G3BP2: variants seen among roughly 807,000 people sequenced by gnomAD.
G3BP2 encodes the protein G3BP stress granule assembly factor 2.
Under a neutral mutation model 56.7 loss-of-function variants are expected in G3BP2, and 11 were observed. That is an observed-to-expected ratio of 0.19 (90% CI 0.12 to 0.32). G3BP2 has a LOEUF of 0.32. G3BP2 is among the 10% of genes least tolerant of loss of function. G3BP2 has a pLI of 1.00. For synonymous variants in G3BP2, 165 were observed against 191.6 expected, an observed-to-expected ratio of 0.86 and a Z score of 1.15; for missense variants, 340 against 610.9, an observed-to-expected ratio of 0.56 and a Z score of 4.67.
chr4:75,686,136 G>T (rs1245608258), intron 3 of G3BP2, among the ~76,000 whole-genome samples: 1 of 152,104 alleles, frequency 6.6e-6, no homozygotes, highest in Non-Finnish European at 1.5e-5. Context: ...TAAATTGTTT[G>T]TTCAATGGAC....
intron 3 of G3BP2, among the ~76,000 whole-genome samples, chr4:75,684,647 G>A (rs1021554348): frequency 6.6e-6 from 1 of 152,070 alleles, no homozygotes; most frequent in Non-Finnish European, 1.5e-5. Flanking sequence ...CTCGGTTCAG[G>A]TGATCCTCCC....
chr4:75,653,896 T>G, intron 8 of G3BP2, 87 bp downstream of exon 8: 1 of 676,652 alleles, frequency 1.5e-6, no homozygotes, highest in Non-Finnish European at 2.7e-6. Flanking sequence ...CCATAATTTC[T>G]GATTGACTCA....
chr4:75,702,874 A>G (rs1577891389), intron 3 of G3BP2, among the ~76,000 whole-genome samples: 1 of 152,336 alleles, frequency 6.6e-6, no homozygotes, highest in Non-Finnish European at 1.5e-5. Flanking sequence ...GTGAGACCCT[A>G]AAAGGATAAG....
intron 1 of G3BP2, chr4:75,672,896 C>G: frequency 1.8e-6 from 1 of 548,718 alleles, no homozygotes; most frequent in Non-Finnish European, 2.3e-6. Context: ...CTGCTGCGTG[C>G]CTCCCCCCCC....
intron 3 of G3BP2, among the ~76,000 whole-genome samples, chr4:75,714,866 G>A (rs1719877758): frequency 6.6e-6 from 1 of 152,100 alleles, no homozygotes; most frequent in African/African-American, 2.4e-5. Context: ...AAGGATGCCT[G>A]CACAGAAAAA....
At chr4:75,714,488 C>T (rs1033008139) in intron 3 of G3BP2, among the ~76,000 whole-genome samples, 2 of 151,966 alleles carry the variant, frequency 1.3e-5, no homozygotes, top group Non-Finnish European at 2.9e-5. Flanking sequence ...ATTAACTGGG[C>T]GTGGTGGCGA....
intron 3 of G3BP2, among the ~76,000 whole-genome samples, chr4:75,714,093 G>GA (rs1719847607): frequency 6.6e-6 from 1 of 152,104 alleles, no homozygotes; most frequent in Non-Finnish European, 1.5e-5. Context: ...TAGACCAAAA[G>GA]AAAAAAACTT....
intron 3 of G3BP2, among the ~76,000 whole-genome samples, chr4:75,700,586 A>G (rs967644519): frequency 2.8e-5 from 4 of 144,944 alleles, no homozygotes; most frequent in Non-Finnish European, 6.1e-5. Flanking sequence ...ACACCCAGCT[A>G]ATTTTTGTAT....
At chr4:75,691,626 A>G (rs1560415531) in intron 3 of G3BP2, among the ~76,000 whole-genome samples, 1 of 152,158 alleles carries the variant, frequency 6.6e-6, no homozygotes, top group Non-Finnish European at 1.5e-5. Flanking sequence ...CCTTCTCTGT[A>G]TGAGCAGCGC....
At chr4:75,649,301 T>C (rs1045053166) in intron 8 of G3BP2, among the ~76,000 whole-genome samples, 3 of 152,204 alleles carry the variant, frequency 2.0e-5, no homozygotes, top group Non-Finnish European at 4.4e-5. Context: ...AAGGTTAAAA[T>C]GCATGTTAAA....
chr4:75,721,168 C>T (rs944139005), intron 2 of G3BP2, among the ~76,000 whole-genome samples: 1 of 151,632 alleles, frequency 6.6e-6, no homozygotes, highest in Non-Finnish European at 1.5e-5. Context: ...CTGGAACTCC[C>T]AACTTCAGGT....
At chr4:75,690,922 T>C (rs1718828537) in intron 3 of G3BP2, among the ~76,000 whole-genome samples, 1 of 152,076 alleles carries the variant, frequency 6.6e-6, no homozygotes, top group Admixed American at 6.6e-5. Flanking sequence ...GAATATAGTA[T>C]AAAAACCATT....
At chr4:75,654,880 A>C (rs2148973484) in intron 7 of G3BP2, 186 bp downstream of exon 7, 1 of 578,032 alleles carries the variant, frequency 1.7e-6, no homozygotes, top group Admixed American at 3.5e-5. Context: ...TCACTCTTAG[A>C]GGGGTATTTT....
intron 1 of G3BP2, among the ~76,000 whole-genome samples, chr4:75,669,252 G>A (rs1733295019): frequency 6.6e-6 from 1 of 152,136 alleles, no homozygotes; most frequent in African/African-American, 2.4e-5. Context: ...ACCTAGACAT[G>A]ACCCACATAT....
intron 9 of G3BP2, 70 bp from the exon 10 acceptor site, chr4:75,647,227 A>G: frequency 1.0e-6 from 1 of 992,906 alleles, no homozygotes; most frequent in Non-Finnish European, 1.5e-6. Context: ...GAGTGAATGT[A>G]AAAATCACTT....
intron 1 of G3BP2, among the ~76,000 whole-genome samples, chr4:75,722,718 A>G (rs1341938965): frequency 6.6e-6 from 1 of 152,230 alleles, no homozygotes; most frequent in Non-Finnish European, 1.5e-5. Context: ...AGCAGAGGAC[A>G]ATGCTTAGCG....
chr4:75,649,017 C>A, intron 8 of G3BP2: 2 of 235,814 alleles, frequency 8.5e-6, no homozygotes, highest in East Asian at 7.6e-5. Flanking sequence ...TATATCAACA[C>A]TGAAATAGCA....
intron 3 of G3BP2, chr4:75,694,852 G>A: frequency 1.0e-6 from 1 of 985,512 alleles, no homozygotes; most frequent in Non-Finnish European, 1.2e-6. Flanking sequence ...GCTAAAGACT[G>A]CGACATCACA....
rs796753485 is a variant in G3BP2, at chr4:75,689,113, A to AG, written c.-24-27065dup. On this transcript the variant is annotated intron_variant, in intron 3 of 3. Transcript: ENST00000499709. ...AGCAGTTTCCAAAGGCTGGGCGTGG[A>AG]GGCTCACTCCTGTAATCCCAGCACT... Among the ~76,000 whole-genome samples the AG allele has an allele frequency of 5.9e-5, 9 of 152,230 alleles. 1 individual carries two copies. Among genetic ancestry groups the AG allele is most frequent in the African/African-American group, 1.7e-4 (7 of 41,570 alleles).
Sources: gnomAD v4.1 joint callset for allele counts (sites outside exome capture counted in the v4.1 genomes callset) on GRCh38, gnomAD v4.1.1 for gene constraint, MANE v1.5 for transcripts, NCBI Gene and HGNC (gene_info 2026-07-23, HGNC 2026-07-21) for gene names.